Variants in ROBO2 observed in about 807,000 individuals in gnomAD.
ROBO2 encodes roundabout homolog 2.
ROBO2 carries 53 observed loss-of-function variants against 160.8 expected under a neutral mutation model. The observed-to-expected ratio is 0.33, with a 90% CI of 0.26 to 0.41. The LOEUF is 0.41. Ranked by LOEUF, ROBO2 falls within the 10% of genes least tolerant of loss-of-function variation. ROBO2 has a pLI of 1.00. For synonymous variants in ROBO2, 664 were observed against 611.7 expected (o/e 1.09, Z -1.26); for missense variants, 1,577 against 1,722.4 (o/e 0.92, Z 1.49).
At chr3:76,732,360 G>A (rs774138992) in intron 2 of ROBO2, among the ~76,000 whole-genome samples, 1 of 152,094 alleles carries the variant, frequency 6.6e-6, no homozygotes, top group Non-Finnish European at 1.5e-5. Context: ...CGAGAACTTG[G>A]GATTTTATCC....
chr3:77,524,566 GTTGT>G (rs1213203681), intron 6 of ROBO2, among the ~76,000 whole-genome samples: 2 of 151,394 alleles, frequency 1.3e-5, no homozygotes, highest in African/African-American at 2.4e-5. Flanking sequence ...AACGTGAGGA[GTTGT>G]TTGTTTGTAG....
At chr3:77,435,587 T>C (rs760139873) in intron 2 of ROBO2, among the ~76,000 whole-genome samples, 2 of 151,918 alleles carry the variant, frequency 1.3e-5, no homozygotes, top group Non-Finnish European at 2.9e-5. Context: ...ATACTAATTG[T>C]ACCCCAATTT....
At chr3:76,279,095 A>G (rs1329126702) in intron 2 of ROBO2, among the ~76,000 whole-genome samples, 1 of 151,388 alleles carries the variant, frequency 6.6e-6, no homozygotes, top group Non-Finnish European at 1.5e-5. Flanking sequence ...ATGCATATAT[A>G]CACATACATC....
chr3:77,053,880 G>C (rs752583001), intron 1 of ROBO2, among the ~76,000 whole-genome samples: 3 of 152,156 alleles, frequency 2.0e-5, no homozygotes, highest in African/African-American at 7.2e-5. Flanking sequence ...AGGAGTTGGC[G>C]CAAGGAGAGA....
intron 2 of ROBO2, among the ~76,000 whole-genome samples, chr3:76,229,469 T>G (rs906397526): frequency 6.6e-6 from 1 of 152,122 alleles, no homozygotes; most frequent in Non-Finnish European, 1.5e-5. Context: ...CCTTTTTGGA[T>G]TACATAAATA....
At chr3:76,214,359 C>T (rs931712855) in intron 2 of ROBO2, among the ~76,000 whole-genome samples, 9 of 152,268 alleles carry the variant, frequency 5.9e-5, no homozygotes, top group African/African-American at 1.2e-4. Flanking sequence ...CAAAGCAGGA[C>T]GAGGCATTGC....
intron 2 of ROBO2, among the ~76,000 whole-genome samples, chr3:76,405,034 A>G (rs1220912912): frequency 6.6e-6 from 1 of 151,604 alleles, no homozygotes; most frequent in Non-Finnish European, 1.5e-5. Flanking sequence ...GGGGAAGGGA[A>G]TCAACTTTGG....
intron 2 of ROBO2, among the ~76,000 whole-genome samples, chr3:76,049,505 A>G (rs780387319): frequency 6.8e-6 from 1 of 147,864 alleles, no homozygotes; most frequent in East Asian, 2.0e-4. Context: ...CAGTCTCCCA[A>G]AGTGCTGGGA....
intron 2 of ROBO2, among the ~76,000 whole-genome samples, chr3:76,597,233 C>G (rs1221476606): frequency 6.6e-6 from 1 of 151,632 alleles, no homozygotes; most frequent in Non-Finnish European, 1.5e-5. Context: ...ACAAAAAGAA[C>G]AATTCATAAA....
At chr3:76,835,053 C>T (rs766711061) in intron 2 of ROBO2, among the ~76,000 whole-genome samples, 23 of 152,120 alleles carry the variant, frequency 1.5e-4, no homozygotes, top group Non-Finnish European at 2.6e-4. Context: ...ACAATTGTGA[C>T]TATAGAATGC....
intron 2 of ROBO2, among the ~76,000 whole-genome samples, chr3:76,150,060 T>G (rs2072111292): frequency 1.8e-5 from 2 of 113,898 alleles, no homozygotes; most frequent in Admixed American, 1.8e-4. Flanking sequence ...CACCTCTGTT[T>G]AAAACACTCA....
intron 2 of ROBO2, among the ~76,000 whole-genome samples, chr3:76,596,838 T>C (rs966194351): frequency 2.0e-5 from 3 of 152,112 alleles, no homozygotes; most frequent in African/African-American, 7.2e-5. Context: ...ATGCCAAATA[T>C]TGTGTAACAG....
rs1167699245 is a variant in ROBO2, at chr3:77,107,763, C to A, written c.388+9423C>A. ...GCCAGGCCGTTTCCTAGTAATGCAA[C>A]TATAAAGGCAAGCATCACATTTTTT... On this transcript the variant is annotated intron_variant, in intron 2 of 25. Transcript: ENST00000461745. Among the ~76,000 whole-genome samples, 7 of 152,048 alleles carry A rather than the reference C, an allele frequency of 4.6e-5. No homozygotes were observed. The East Asian group carries it at 1.4e-3, about 29-fold the overall frequency.
intron 2 of ROBO2, among the ~76,000 whole-genome samples, chr3:77,030,311 T>C (rs1285693670): frequency 6.6e-6 from 1 of 152,216 alleles, no homozygotes; most frequent in Non-Finnish European, 1.5e-5. Flanking sequence ...AAATTTTCTT[T>C]ATATTTAGAT....
chr3:77,497,851 T>C (rs1159625185), intron 5 of ROBO2, among the ~76,000 whole-genome samples: 2 of 152,010 alleles, frequency 1.3e-5, no homozygotes, highest in Non-Finnish European at 2.9e-5. Context: ...TAAAAAAGTA[T>C]CACATGAAGA....
At chr3:76,070,306 G>A (rs531968082) in intron 2 of ROBO2, among the ~76,000 whole-genome samples, 6 of 152,220 alleles carry the variant, frequency 3.9e-5, no homozygotes, top group South Asian at 2.1e-4. Context: ...AAGAGTATGC[G>A]CACCTGGGGT....
Position 76,419,440 on chromosome 3 carries a change from CT to C in ROBO2, c.109+481850del, listed in dbSNP as rs11435799. The stretch of plus-strand genomic sequence containing the variant: ...ACCAATGGAAATGGGTTACAAACAT[CT>C]TTTTTTTTTTTAAATTTAACCTGGG... On this transcript the variant is annotated intron_variant, in intron 2 of 26. Transcript: ENST00000487694. Among the ~76,000 whole-genome samples the C allele has an allele frequency of 4.2e-3, 615 of 145,928 alleles. 2 individuals carry two copies. The highest frequency in any genetic ancestry group is 0.011 in the African/African-American group (453 of 40,388).
intron 2 of ROBO2, among the ~76,000 whole-genome samples, chr3:76,333,920 C>G (rs2073681403): frequency 6.6e-6 from 1 of 152,118 alleles, no homozygotes; most frequent in Admixed American, 6.6e-5. Flanking sequence ...CATGTTCTTA[C>G]TCATAGGTGG....
exon 13 of ROBO2, chr3:77,568,434 G>A: frequency 6.2e-7 from 1 of 1,612,580 alleles, no homozygotes; most frequent in Non-Finnish European, 8.5e-7. Flanking sequence ...TCACATGGAC[G>A]GTAAGCTTTC....
Sources: allele counts gnomAD v4.1 joint callset (sites outside exome capture counted in the v4.1 genomes callset), GRCh38; gene constraint gnomAD v4.1.1; transcripts MANE v1.5; gene names NCBI Gene and HGNC (gene_info 2026-07-23, HGNC 2026-07-21).